The following CEP63 variants were observed in gnomAD, a reference collection of about 807,000 sequenced individuals.
CEP63 encodes the protein centrosomal protein of 63 kDa.
CEP63 carries 84 observed loss-of-function variants against 89.1 expected under a neutral mutation model. The ratio of observed to expected loss-of-function variants is 0.94; its 90% CI spans 0.79 to 1.13. The LOEUF is 1.13. CEP63 is among the 50% of genes most tolerant of loss of function. The pLI is 0.00. For missense variants in CEP63, 838 were observed against 813.3 expected (o/e 1.03, Z -0.37); for synonymous variants, 267 against 272.5 (o/e 0.98, Z 0.20).
the CEP63 span, among the ~76,000 whole-genome samples, chr3:134,624,209 TAG>T: frequency 1.3e-5 from 2 of 152,192 alleles, no homozygotes; most frequent in Admixed American, 6.5e-5. Flanking sequence ...CCACTGGTGT[TAG>T]AGTTCTTCCC....
At chr3:134,731,816 G>C in the CEP63 span, among the ~76,000 whole-genome samples, 11 of 152,080 alleles carry the variant, frequency 7.2e-5, no homozygotes, top group Non-Finnish European at 1.5e-4. Context: ...TCTATGAAAA[G>C]GGAAAAAGGG....
intron 10 of CEP63, 100 bp downstream of exon 10, chr3:134,549,276 T>A: frequency 2.6e-6 from 2 of 758,766 alleles, no homozygotes; most frequent in Non-Finnish European, 4.7e-6. Context: ...GAAAAAAATG[T>A]AGTTCAAGGG....
intron 6 of CEP63, among the ~76,000 whole-genome samples, chr3:134,543,414 A>G (rs1441409970): frequency 2.0e-5 from 3 of 152,218 alleles, no homozygotes; most frequent in African/African-American, 7.2e-5. Context: ...ACTTTTCACT[A>G]TGCTTAAAAA....
the CEP63 span, among the ~76,000 whole-genome samples, chr3:134,673,298 C>T: frequency 4.7e-4 from 72 of 152,300 alleles, no homozygotes; most frequent in Admixed American, 2.8e-3. Context: ...CACAACCTGA[C>T]GTCCCCCCTC....
the CEP63 span, among the ~76,000 whole-genome samples, chr3:134,749,736 G>GAAAAAAAAAAAAAAAAAA: frequency 1.8e-5 from 1 of 55,780 alleles, no homozygotes; most frequent in African/African-American, 5.3e-5. Flanking sequence ...AAAAAAAAAG[G>GAAAAAAAAAAAAAAAAAA]AAAATGATGC....
chr3:134,677,109 T>G, the CEP63 span, among the ~76,000 whole-genome samples: 2 of 152,116 alleles, frequency 1.3e-5, no homozygotes, highest in Non-Finnish European at 2.9e-5. Flanking sequence ...TGGTGGTGCG[T>G]GCCTGTAATC....
At chr3:134,628,250 C>T in the CEP63 span, 3 of 180,182 alleles carry the variant, frequency 1.7e-5, no homozygotes, top group Admixed American at 1.7e-4. Context: ...GTGTGAAGGT[C>T]AAAACCTAGA....
the CEP63 span, chr3:134,643,217 C>T: frequency 8.7e-7 from 1 of 1,154,586 alleles, no homozygotes; most frequent in African/African-American, 1.5e-5. Flanking sequence ...ACCCTGCTCC[C>T]CATAGTCTGA....
chr3:134,780,709 A>C, the CEP63 span: 1 of 152,198 alleles, frequency 6.6e-6, no homozygotes, highest in African/African-American at 2.4e-5. Context: ...TTTTAAATTA[A>C]GTTGCAGATA....
chr3:134,690,743 A>ATTGTTTTTTTTTTTTT, the CEP63 span, among the ~76,000 whole-genome samples: 1 of 120,796 alleles, frequency 8.3e-6, no homozygotes, highest in Non-Finnish European at 1.7e-5. Context: ...GAAGACCAAG[A>ATTGTTTTTTTTTTTTT]TTTTTTTTTT....
intron 5 of CEP63, 36 bp downstream of exon 5, chr3:134,532,936 T>C (rs1950130521): frequency 6.2e-7 from 1 of 1,610,010 alleles, no homozygotes; most frequent in Non-Finnish European, 8.5e-7. Context: ...ATAGTGATTG[T>C]CAGCCTTCAC....
At chr3:134,507,422 T>A (rs959395134) in intron 3 of CEP63, 136 bp downstream of exon 3, 5 of 655,688 alleles carry the variant, frequency 7.6e-6, no homozygotes. Flanking sequence ...TTCTGCTGTT[T>A]TATTTTAGAA....
chr3:134,688,746 C>T, the CEP63 span, among the ~76,000 whole-genome samples: 1 of 152,174 alleles, frequency 6.6e-6, no homozygotes, highest in Non-Finnish European at 1.5e-5. Flanking sequence ...CCACCCACTT[C>T]CCCACCAAGC....
At chr3:134,634,314 AG>A in the CEP63 span, among the ~76,000 whole-genome samples, 1 of 152,218 alleles carries the variant, frequency 6.6e-6, no homozygotes, top group African/African-American at 2.4e-5. Flanking sequence ...TGAAAAAAAA[AG>A]ATGGGAGGAC....
the CEP63 span, among the ~76,000 whole-genome samples, chr3:134,646,257 C>A: frequency 6.6e-6 from 1 of 152,160 alleles, no homozygotes; most frequent in African/African-American, 2.4e-5. Flanking sequence ...AGCTGATGGC[C>A]CCTGTAGCAA....
the CEP63 span, among the ~76,000 whole-genome samples, chr3:134,677,108 G>T: frequency 6.6e-6 from 1 of 152,252 alleles, no homozygotes; most frequent in East Asian, 1.9e-4. Context: ...GTGGTGGTGC[G>T]TGCCTGTAAT....
At chr3:134,573,065 G>A (rs1295310074) in intron 11 of CEP63, among the ~76,000 whole-genome samples, 1 of 152,132 alleles carries the variant, frequency 6.6e-6, no homozygotes, top group East Asian at 1.9e-4. Context: ...CTTCTTTTGA[G>A]AAGTGTCTGT....
the CEP63 span, chr3:134,627,885 T>C: frequency 7.9e-7 from 1 of 1,272,882 alleles, no homozygotes; most frequent in Non-Finnish European, 1.1e-6. Flanking sequence ...CACTGATGAC[T>C]CACCTTCTGG....
the CEP63 span, among the ~76,000 whole-genome samples, chr3:134,652,448 C>A: frequency 6.6e-6 from 1 of 150,958 alleles, no homozygotes. Context: ...ACCAGCGCCC[C>A]CCCCCACCAC....
Sources: gnomAD v4.1 joint callset for allele counts (sites outside exome capture counted in the v4.1 genomes callset) on GRCh38, gnomAD v4.1.1 for gene constraint, MANE v1.5 for transcripts, NCBI Gene and HGNC (gene_info 2026-07-23, HGNC 2026-07-21) for gene names.